The following ARMC8 variants were observed in gnomAD, a reference collection of about 807,000 sequenced individuals.
The protein encoded by ARMC8 is armadillo repeat containing 8.
In ARMC8, 20 loss-of-function variants were observed where a neutral mutation model predicts 99.3. The observed-to-expected ratio is 0.20, with a 90% CI of 0.14 to 0.29. ARMC8 has a LOEUF of 0.29. Ranked by LOEUF, ARMC8 falls within the 10% of genes least tolerant of loss-of-function variation. The pLI, the probability that ARMC8 is intolerant of heterozygous loss-of-function variation, is 1.00. For missense variants in ARMC8, 569 were observed against 809.5 expected (o/e 0.70, Z 3.60); for synonymous variants, 263 against 278.3 (o/e 0.95, Z 0.55).
intron 5 of ARMC8, 21 bp downstream of exon 5, chr3:138,223,754 A>G (rs2045530518): frequency 3.1e-6 from 5 of 1,587,310 alleles, no homozygotes; most frequent in Non-Finnish European, 4.3e-6. Flanking sequence ...GATGTATTTG[A>G]GACATTAGTT....
intron 16 of ARMC8, 90 bp downstream of exon 16, chr3:138,270,222 G>A: frequency 9.5e-7 from 1 of 1,051,854 alleles, no homozygotes; most frequent in Non-Finnish European, 1.4e-6. Context: ...TGAAATGTCT[G>A]GAATTTTCTT....
At chr3:138,212,985 A>G (rs1263822533) in intron 2 of ARMC8, among the ~76,000 whole-genome samples, 1 of 152,220 alleles carries the variant, frequency 6.6e-6, no homozygotes, top group Non-Finnish European at 1.5e-5. Context: ...TTGTGAACAT[A>G]TACGAGGCAT....
chr3:138,291,557 T>G (rs1488157829), intron 21 of ARMC8, among the ~76,000 whole-genome samples: 2 of 152,148 alleles, frequency 1.3e-5, no homozygotes, highest in East Asian at 1.9e-4. Flanking sequence ...CATTCTAGTA[T>G]AGAAGATAGA....
intron 19 of ARMC8, 159 bp from the exon 20 acceptor site, chr3:138,288,889 G>C: frequency 1.7e-6 from 1 of 573,512 alleles, no homozygotes; most frequent in Non-Finnish European, 3.1e-6. Flanking sequence ...CACCTGCCTT[G>C]GTCTCCCAAA....
chr3:138,266,954 A>C (rs2048340527), intron 14 of ARMC8, among the ~76,000 whole-genome samples: 1 of 152,204 alleles, frequency 6.6e-6, no homozygotes, highest in African/African-American at 2.4e-5. Flanking sequence ...CAAGCAAGAC[A>C]GATTTGAGGG....
intron 2 of ARMC8, among the ~76,000 whole-genome samples, chr3:138,218,187 A>G (rs1461404446): frequency 6.6e-6 from 1 of 152,178 alleles, no homozygotes; most frequent in South Asian, 2.1e-4. Flanking sequence ...TACCTAATGA[A>G]TGCTATGTTA....
intron 7 of ARMC8, among the ~76,000 whole-genome samples, chr3:138,235,499 A>G (rs2046284206): frequency 1.3e-5 from 2 of 152,230 alleles, no homozygotes; most frequent in South Asian, 4.1e-4. Context: ...ATTCCTGCAT[A>G]TACATCAGCA....
At chr3:138,191,921 C>T (rs2107944089) in intron 1 of ARMC8, among the ~76,000 whole-genome samples, 1 of 152,286 alleles carries the variant, frequency 6.6e-6, no homozygotes, top group South Asian at 2.1e-4. Flanking sequence ...GTTTTGGTTG[C>T]TTCTAGTTTT....
chr3:138,241,635 A>G (rs1482419661), intron 10 of ARMC8, 148 bp from the exon 11 acceptor site: 2 of 724,364 alleles, frequency 2.8e-6, no homozygotes. Flanking sequence ...TGCATTTTAA[A>G]AAAATCTTTT....
At chr3:138,208,366 T>C (rs2044506088) in intron 1 of ARMC8, among the ~76,000 whole-genome samples, 1 of 152,144 alleles carries the variant, frequency 6.6e-6, no homozygotes, top group African/African-American at 2.4e-5. Flanking sequence ...CTCAGGAGGC[T>C]GAGGCAGGAG....
intron 12 of ARMC8, among the ~76,000 whole-genome samples, chr3:138,252,452 CTTT>C (rs1169244202): frequency 4.6e-5 from 6 of 129,182 alleles, no homozygotes; most frequent in Admixed American, 1.6e-4. Flanking sequence ...ACCATAAACT[CTTT>C]TTTTTTTTTT....
chr3:138,278,622 C>T (rs1325092971), intron 18 of ARMC8, among the ~76,000 whole-genome samples: 2 of 152,014 alleles, frequency 1.3e-5, no homozygotes, highest in African/African-American at 2.4e-5. Context: ...GGATTTCGAT[C>T]GTATTGTATT....
At chr3:138,241,290 C>T (rs1179326937) in intron 10 of ARMC8, among the ~76,000 whole-genome samples, 1 of 152,150 alleles carries the variant, frequency 6.6e-6, no homozygotes, top group Non-Finnish European at 1.5e-5. Context: ...AGTTTTAAAG[C>T]TGTATTTTGT....
chr3:138,198,669 C>A (rs905951898), intron 1 of ARMC8, among the ~76,000 whole-genome samples: 1 of 151,942 alleles, frequency 6.6e-6, no homozygotes, highest in Non-Finnish European at 1.5e-5. Context: ...CGTGCCACCA[C>A]ACCCAGCTAA....
At chr3:138,266,865 A>G (rs1210471798) in intron 14 of ARMC8, among the ~76,000 whole-genome samples, 4 of 152,200 alleles carry the variant, frequency 2.6e-5, no homozygotes, top group Non-Finnish European at 5.9e-5. Flanking sequence ...TTGGCCTTCA[A>G]GCATTTCACA....
At chr3:138,279,896 T>C (rs2049706027) in intron 18 of ARMC8, among the ~76,000 whole-genome samples, 1 of 152,114 alleles carries the variant, frequency 6.6e-6, no homozygotes, top group Admixed American at 6.6e-5. Flanking sequence ...TTGTTCTTTA[T>C]ATTGGTAATT....
At chr3:138,234,986 T>G (rs1415336695) in intron 6 of ARMC8, 48 bp from the exon 7 acceptor site, 4 of 1,442,232 alleles carry the variant, frequency 2.8e-6, no homozygotes, top group Middle Eastern at 1.8e-4. Flanking sequence ...TTTATTGGAA[T>G]GAGTCATTAC....
chr3:138,234,409 T>C (rs1463410434), intron 6 of ARMC8, among the ~76,000 whole-genome samples: 1 of 152,156 alleles, frequency 6.6e-6, no homozygotes, highest in African/African-American at 2.4e-5. Context: ...TGCGCCTGGC[T>C]GAACCAATAC....
At chr3:138,287,182 T>A (rs1446648806) in intron 19 of ARMC8, among the ~76,000 whole-genome samples, 1 of 152,234 alleles carries the variant, frequency 6.6e-6, no homozygotes. Flanking sequence ...TGTTTAAATC[T>A]TTCAGGGGCT....
Sources: gnomAD v4.1 joint callset for allele counts (sites outside exome capture counted in the v4.1 genomes callset) on GRCh38, gnomAD v4.1.1 for gene constraint, MANE v1.5 for transcripts, NCBI Gene and HGNC (gene_info 2026-07-23, HGNC 2026-07-21) for gene names.